The following HIVEP2 variants were observed in gnomAD, a reference collection of about 807,000 sequenced individuals.
HIVEP2 encodes the protein transcription factor HIVEP2.
HIVEP2 carries 14 observed loss-of-function variants against 180.7 expected under a neutral mutation model. The observed-to-expected ratio is 0.08, with a 90% CI of 0.05 to 0.12. The LOEUF (loss-of-function observed/expected upper bound fraction) is 0.12. Among genes scored for constraint, HIVEP2 ranks in the 10% least tolerant of loss-of-function variants. HIVEP2 has a pLI of 1.00. For synonymous variants in HIVEP2, 1,184 were observed against 1,136.4 expected, an observed-to-expected ratio of 1.04 and a Z score of -0.84; for missense variants, 2,579 against 3,008.5, an observed-to-expected ratio of 0.86 and a Z score of 3.34.
chr6:142,773,706 T>C lies in HIVEP2; in HGVS notation c.1033A>G (p.Ile345Val), dbSNP rs141050437. Reference protein sequence around the residue: ...IPLPNESSQYIGPDMLPNPSL... With the variant: ...IPLPNESSQYVGPDMLPNPSL... ...GGATTTGGTAGCATATCAGGGCCAA[T>C]ATACTGAGAGCTTTCATTAGGGAGA... Residue 345 changes from isoleucine (I) to valine (V), a missense_variant, in exon 5 of 10, where the codon ATT (isoleucine) becomes GTT (valine). Physicochemically the swap from Ile to Val is conservative, Grantham distance 29 (BLOSUM62 3). Transcript: ENST00000367603. 6,890 of 1,614,114 alleles carry C rather than the reference T, an allele frequency of 4.3e-3. 54 individuals are homozygous for C. The highest frequency in any genetic ancestry group is 3.9e-3 in the Non-Finnish European group (4,652 of 1,179,994).
At chr6:142,765,262 A>T (rs1582835893) in intron 6 of HIVEP2, among the ~76,000 whole-genome samples, 2 of 152,228 alleles carry the variant, frequency 1.3e-5, no homozygotes, top group African/African-American at 4.8e-5. Context: ...GTTCAAAATG[A>T]CTTATGTAAA....
intron 1 of HIVEP2, among the ~76,000 whole-genome samples, chr6:142,924,403 C>T (rs557714608): frequency 2.0e-5 from 3 of 152,194 alleles, no homozygotes; most frequent in Admixed American, 6.5e-5. Context: ...AAAAGACAAA[C>T]TCTGCCTTTA....
chr6:142,931,758 A>G (rs2128438762), intron 1 of HIVEP2, among the ~76,000 whole-genome samples: 1 of 152,312 alleles, frequency 6.6e-6, no homozygotes, highest in South Asian at 2.1e-4. Context: ...ATTTCATTAA[A>G]TTGTGTATGT....
At chr6:142,852,978 C>G (rs1385103693) in intron 1 of HIVEP2, among the ~76,000 whole-genome samples, 1 of 152,116 alleles carries the variant, frequency 6.6e-6, no homozygotes, top group Non-Finnish European at 1.5e-5. Context: ...TTACTCCAAA[C>G]TTCTCTTAGT....
At chr6:142,806,972 C>A (rs1294213381) in intron 2 of HIVEP2, among the ~76,000 whole-genome samples, 1 of 152,128 alleles carries the variant, frequency 6.6e-6, no homozygotes, top group African/African-American at 2.4e-5. Context: ...ACAGGTACTG[C>A]ATGGATTATT....
intron 1 of HIVEP2, among the ~76,000 whole-genome samples, chr6:142,881,445 T>G (rs1434661738): frequency 6.6e-6 from 1 of 152,182 alleles, no homozygotes; most frequent in Non-Finnish European, 1.5e-5. Context: ...CAACCAGATT[T>G]GAGACACAGT....
chr6:142,889,135 G>T (rs957394435), intron 1 of HIVEP2, among the ~76,000 whole-genome samples: 1 of 152,120 alleles, frequency 6.6e-6, no homozygotes, highest in Non-Finnish European at 1.5e-5. Flanking sequence ...CACTTTTGTT[G>T]AACTAAAGTG....
intron 1 of HIVEP2, among the ~76,000 whole-genome samples, chr6:142,891,336 T>C (rs762771568): frequency 6.6e-6 from 1 of 151,862 alleles, no homozygotes; most frequent in Non-Finnish European, 1.5e-5. Context: ...TATTCCCACA[T>C]CAAGAATTTT....
rs2114660388 is a variant in HIVEP2, at chr6:142,773,237, T to A, written c.1502A>T (p.Glu501Val). The part of the protein sequence containing the change: ...SMLKSTKFNS[E>V]SRQPQIIPSS... Reference sequence around the variant, plus strand: ...TGGAATAATCTGGGGTTGTCTGGACTCACTGTTGAACTTAGTGGATTTCAG... The same window carrying A: ...TGGAATAATCTGGGGTTGTCTGGACACACTGTTGAACTTAGTGGATTTCAG... Residue 501 changes from glutamate to valine, a missense_variant, in exon 5 of 10, where the codon GAG (glutamate) becomes GTG (valine). This residue lies in a region of HIVEP2 where 524 missense variants were observed against 563.6 expected (regional missense o/e 0.93). Coordinates refer to ENST00000367603, the MANE Select transcript of HIVEP2 (RefSeq NM_006734.4). 8 of 1,614,230 alleles carry A rather than the reference T, an allele frequency of 5.0e-6. No individual in the cohort carries two copies. Among genetic ancestry groups the A allele is most frequent in the Non-Finnish European group, 5.9e-6 (7 of 1,180,026 alleles).
intron 2 of HIVEP2, among the ~76,000 whole-genome samples, chr6:142,813,317 T>A (rs1776745303): frequency 6.6e-6 from 1 of 152,156 alleles, no homozygotes; most frequent in African/African-American, 2.4e-5. Flanking sequence ...TTCTTTGTTT[T>A]TCTGATCTAG....
At chr6:142,891,363 T>C (rs984034830) in intron 1 of HIVEP2, among the ~76,000 whole-genome samples, 2 of 151,536 alleles carry the variant, frequency 1.3e-5, no homozygotes, top group African/African-American at 4.8e-5. Context: ...ATACTAGGTA[T>C]TACACTGTAC....
chr6:142,894,799 T>C (rs1776942099), intron 1 of HIVEP2, among the ~76,000 whole-genome samples: 1 of 152,168 alleles, frequency 6.6e-6, no homozygotes, highest in Non-Finnish European at 1.5e-5. Context: ...AGAGCAGTCA[T>C]TTGAACGCAG....
intron 1 of HIVEP2, among the ~76,000 whole-genome samples, chr6:142,883,128 A>G (rs1776612944): frequency 6.6e-6 from 1 of 152,158 alleles, no homozygotes; most frequent in Non-Finnish European, 1.5e-5. Flanking sequence ...ATACACGGAT[A>G]GCATTCGATA....
At chr6:142,889,374 G>A (rs1776796360) in intron 1 of HIVEP2, among the ~76,000 whole-genome samples, 1 of 152,070 alleles carries the variant, frequency 6.6e-6, no homozygotes, top group Admixed American at 6.5e-5. Context: ...GAGGCGGTAA[G>A]ATCACTTAAG....
At position 142,773,261 on chromosome 6, in the gene HIVEP2, A is replaced by G. The variant is rs1170048658; in HGVS notation, c.1478T>C (p.Leu493Pro). The G allele has an allele frequency of 6.2e-7, 1 of 1,614,094 alleles. No individual in the cohort carries two copies. The highest frequency in any genetic ancestry group is 2.2e-5 in the East Asian group (1 of 44,888). The part of the protein sequence containing the change: ...GDVDPSQTSM[L>P]KSTKFNSESR... ...CTCACTGTTGAACTTAGTGGATTTC[A>G]GCATGCTCGTTTGACTGGGGTCGAC... Residue 493 changes from leucine to proline, a missense_variant, in exon 5 of 10, where the codon CTG becomes CCG. Transcript: ENST00000367603.
chr6:142,932,519 C>T (rs954367791), intron 1 of HIVEP2, among the ~76,000 whole-genome samples: 1 of 151,672 alleles, frequency 6.6e-6, no homozygotes, highest in African/African-American at 2.4e-5. Context: ...CAATCTGATC[C>T]CTGGGAAATT....
Position 142,769,702 on chromosome 6 carries a change from A to G in HIVEP2, c.5037T>C (p.Asn1679=). Residue 1679 remains asparagine (N), a synonymous_variant, in exon 5 of 10, where the codon AAT becomes AAC. Transcript: ENST00000367603. ...TGGTGTTCAATCCTGATGGGTTTGG[A>G]TTACAGGAACTAATGCACCATGAAG... ...VYASWCISSC[N]PNPSGLNTKT... is the part of the protein sequence containing the mutation. The G allele has an allele frequency of 1.2e-6, 2 of 1,614,160 alleles. No homozygotes were observed. Among genetic ancestry groups the G allele is most frequent in the Middle Eastern group, 1.6e-4 (1 of 6,062 alleles).
chr6:142,862,974 T>C (rs539018733), intron 1 of HIVEP2, among the ~76,000 whole-genome samples: 1 of 129,814 alleles, frequency 7.7e-6, no homozygotes, highest in South Asian at 2.4e-4. Context: ...CTATATTATA[T>C]GTAATATATA....
intron 2 of HIVEP2, among the ~76,000 whole-genome samples, chr6:142,793,663 C>CTTTCTTTCTTTCTTTTTTTT (rs1303826710): frequency 9.1e-6 from 1 of 109,476 alleles, no homozygotes; most frequent in Non-Finnish European, 1.8e-5. Flanking sequence ...TTTCTTTTTT[C>CTTTCTTTCTTTCTTTTTTTT]TTTCTTTCTT....
Sources: allele counts gnomAD v4.1 joint callset (sites outside exome capture counted in the v4.1 genomes callset), GRCh38; gene constraint gnomAD v4.1.1; regional missense constraint gnomAD v4.1.1; transcripts MANE v1.5; gene names NCBI Gene and HGNC (gene_info 2026-07-23, HGNC 2026-07-21).